Variants in SNRNP40 observed in about 807,000 individuals in gnomAD.
SNRNP40 encodes the protein small nuclear ribonucleoprotein U5 subunit 40.
A neutral mutation model predicts 45.8 loss-of-function variants in SNRNP40; 21 were observed. That is an observed-to-expected ratio of 0.46 (90% CI 0.32 to 0.66). SNRNP40 has a LOEUF of 0.66. SNRNP40 is among the 30% of genes least tolerant of loss of function. The probability of loss-of-function intolerance (pLI) is 0.03; values close to 1 mark genes in which losing one functional copy is unlikely to be tolerated. For missense variants in SNRNP40, 344 were observed against 439.1 expected (o/e 0.78, Z 1.94); for synonymous variants, 142 against 163.8 (o/e 0.87, Z 1.01).
Position 31,267,771 on chromosome 1 carries a change from A to T in SNRNP40, c.920+100T>A, listed in dbSNP as rs568679241. ...GCTGGTCTCGAACTGACCTCAGGTGATCTGCCCGCCTCGGCCTCCCAAAGT... is the reference window on the plus strand; with the variant it reads ...GCTGGTCTCGAACTGACCTCAGGTGTTCTGCCCGCCTCGGCCTCCCAAAGT... On this transcript the variant is annotated intron_variant, in intron 8 of 9. Transcript: ENST00000263694. The T allele has an allele frequency of 2.9e-5, 24 of 835,500 alleles. No homozygotes were observed. The African/African-American group carries it at 3.0e-4, about 10-fold the overall frequency. The allele number at this position is 835,500 out of a possible 1,614,324, so 51.8% of individuals were successfully genotyped here. A position where few individuals can be genotyped will look rare whatever the true frequency, so the allele number is the denominator to read the frequency against.
At chr1:31,295,356 A>AG (rs1646138594) in intron 1 of SNRNP40, among the ~76,000 whole-genome samples, 1 of 151,790 alleles carries the variant, frequency 6.6e-6, no homozygotes, top group Admixed American at 6.6e-5. Context: ...AAAACAAAAA[A>AG]AGAGAGAGAG....
At chr1:31,262,086 C>A (rs1237054937) in intron 8 of SNRNP40, among the ~76,000 whole-genome samples, 1 of 152,068 alleles carries the variant, frequency 6.6e-6, no homozygotes, top group African/African-American at 2.4e-5. Context: ...CAAACAGAGA[C>A]CTGAGAAGGG....
chr1:31,275,033 G>T (rs1333913558), intron 5 of SNRNP40, among the ~76,000 whole-genome samples: 1 of 152,084 alleles, frequency 6.6e-6, no homozygotes, highest in African/African-American at 2.4e-5. Context: ...CTCAAGACTG[G>T]TAAGCCTCTA....
chr1:31,260,772 G>C (rs1280879112), intron 9 of SNRNP40, among the ~76,000 whole-genome samples: 2 of 149,520 alleles, frequency 1.3e-5, no homozygotes, highest in East Asian at 2.0e-4. Flanking sequence ...TGAGGCAGGA[G>C]AATCGCTTGA....
intron 8 of SNRNP40, chr1:31,263,165 A>T (rs1400550028): frequency 6.6e-6 from 1 of 152,198 alleles, no homozygotes; most frequent in East Asian, 1.9e-4. Flanking sequence ...GAATAAATAA[A>T]AAAAAACTTC....
At chr1:31,282,030 C>T (rs999875180) in intron 4 of SNRNP40, 4 of 152,410 alleles carry the variant, frequency 2.6e-5, no homozygotes, top group African/African-American at 7.3e-5. Flanking sequence ...ACCCGGCAAA[C>T]CCTTAATGAG....
intron 1 of SNRNP40, among the ~76,000 whole-genome samples, chr1:31,296,178 T>C (rs10914344): frequency 0.55 from 83,485 of 152,072 alleles, 23,605 homozygotes; most frequent in Non-Finnish European, 0.62. Context: ...TTAATAATAC[T>C]AGTGCAGAGA....
chr1:31,285,601 C>G (rs1226876568), intron 4 of SNRNP40, among the ~76,000 whole-genome samples: 1 of 152,150 alleles, frequency 6.6e-6, no homozygotes, highest in African/African-American at 2.4e-5. Context: ...CTCAACATAA[C>G]CATCAAAATC....
chr1:31,277,725 C>T (rs1344441968), intron 5 of SNRNP40, among the ~76,000 whole-genome samples: 1 of 152,188 alleles, frequency 6.6e-6, no homozygotes, highest in Non-Finnish European at 1.5e-5. Context: ...GACAGGGTCT[C>T]TCTCTGTCGT....
chr1:31,292,957 T>C (rs1646117441), intron 2 of SNRNP40: 1 of 451,800 alleles, frequency 2.2e-6, no homozygotes, highest in East Asian at 4.5e-5. Context: ...AGCTGGAGAT[T>C]TGCCTCTATG....
intron 5 of SNRNP40, 84 bp from the exon 6 acceptor site, chr1:31,271,583 C>T (rs1645938837): frequency 7.7e-7 from 1 of 1,292,366 alleles, no homozygotes; most frequent in South Asian, 1.4e-5. Flanking sequence ...AGTCAATTGC[C>T]CAGAGACACT....
intron 8 of SNRNP40, 192 bp from the exon 9 acceptor site, chr1:31,261,824 G>A (rs370648745): frequency 2.7e-4 from 120 of 439,552 alleles, no homozygotes; most frequent in Non-Finnish European, 4.5e-4. Context: ...GCAATGGGGT[G>A]GAGAAATAAG....
chr1:31,294,673 C>T (rs917112711), intron 1 of SNRNP40, among the ~76,000 whole-genome samples: 1 of 152,104 alleles, frequency 6.6e-6, no homozygotes, highest in African/African-American at 2.4e-5. Context: ...GGCGCGGTGG[C>T]TCACACCTGT....
intron 5 of SNRNP40, among the ~76,000 whole-genome samples, chr1:31,280,767 GTTT>G (rs373402074): frequency 7.0e-6 from 1 of 143,434 alleles, no homozygotes; most frequent in African/African-American, 2.6e-5. Flanking sequence ...AGATGCTACT[GTTT>G]TTTTTTTTTT....
At chr1:31,296,523 G>T in intron 1 of SNRNP40, 88 bp downstream of exon 1, 1 of 1,469,362 alleles carries the variant, frequency 6.8e-7, no homozygotes, top group Non-Finnish European at 9.1e-7. Context: ...CCCCCGCAAT[G>T]CGGGAAAGGG....
At chr1:31,288,856 C>A (rs12139995) in intron 4 of SNRNP40, among the ~76,000 whole-genome samples, 30,076 of 152,022 alleles carry the variant, frequency 0.2, 3,207 homozygotes, top group African/African-American at 0.26. Context: ...CTCAGCCTCC[C>A]AAGCAACTGG....
At position 31,280,201 on chromosome 1, in the gene SNRNP40, G is replaced by A. The variant is rs554596366; in HGVS notation, c.654+1173C>T. ...TTTTTTGGAGATGGAGTCTTGCTCCGTGGCCAGGCTGGAGTGCAGTGGCGT... is the reference window on the plus strand; with the variant it reads ...TTTTTTGGAGATGGAGTCTTGCTCCATGGCCAGGCTGGAGTGCAGTGGCGT... On this transcript the variant is annotated intron_variant, in intron 5 of 9. Coordinates refer to ENST00000263694, the MANE Select transcript of SNRNP40 (RefSeq NM_004814.3). Among the ~76,000 whole-genome samples the A allele has an allele frequency of 3.5e-5, 5 of 144,250 alleles. No homozygotes were observed. In the East Asian group the frequency reaches 8.2e-4, roughly 24 times the overall value. The allele number at this position is 144,250 out of a possible 152,430, so 94.6% of individuals were successfully genotyped here. A position where few individuals can be genotyped will look rare whatever the true frequency, so the allele number is the denominator to read the frequency against.
At chr1:31,263,676 T>TA in intron 8 of SNRNP40, 1 of 441,102 alleles carries the variant, frequency 2.3e-6, no homozygotes, top group Non-Finnish European at 4.4e-6. Flanking sequence ...GTATAACTGA[T>TA]ATGATATGGC....
At chr1:31,272,740 A>T (rs936509182) in intron 5 of SNRNP40, among the ~76,000 whole-genome samples, 20 of 152,254 alleles carry the variant, frequency 1.3e-4, no homozygotes, top group African/African-American at 4.8e-4. Context: ...TATTTACATA[A>T]TAAGCTATTA....
Sources: allele counts gnomAD v4.1 joint callset (sites outside exome capture counted in the v4.1 genomes callset), GRCh38; gene constraint gnomAD v4.1.1; transcripts MANE v1.5; gene names NCBI Gene and HGNC (gene_info 2026-07-23, HGNC 2026-07-21).